DAB1: variants seen among roughly 807,000 people sequenced by gnomAD.
DAB1 encodes disabled homolog 1.
A neutral mutation model predicts 64.6 loss-of-function variants in DAB1; 15 were observed. That is an observed-to-expected ratio of 0.23 (90% CI 0.16 to 0.36). The LOEUF (loss-of-function observed/expected upper bound fraction) is 0.36, where lower values mean the gene tolerates loss of function less well. Among genes scored for constraint, DAB1 ranks in the 10% least tolerant of loss-of-function variants. DAB1 has a pLI of 1.00. For synonymous variants in DAB1, 235 were observed against 251.9 expected, an observed-to-expected ratio of 0.93 and a Z score of 0.64; for missense variants, 596 against 706.7, an observed-to-expected ratio of 0.84 and a Z score of 1.78.
chr1:57,609,168 A>G (rs989563076), intron 7 of DAB1, among the ~76,000 whole-genome samples: 1 of 152,096 alleles, frequency 6.6e-6, no homozygotes, highest in Admixed American at 6.5e-5. Context: ...GCTTTCCTGA[A>G]ATAATAAATA....
Position 57,520,692 on chromosome 1 carries a change from A to C in DAB1, n.625+128900T>G, listed in dbSNP as rs1270144152. On this transcript the variant is annotated intron_variant and non_coding_transcript_variant, in intron 7 of 20. Transcript: ENST00000485760. Reference sequence around the variant, plus strand: ...CTTTTTTTGTATATATTCAGGAAACAAAATCAAAGTAATTATAGCTTCTCT... The same window carrying C: ...CTTTTTTTGTATATATTCAGGAAACCAAATCAAAGTAATTATAGCTTCTCT... Among the ~76,000 whole-genome samples the C allele has an allele frequency of 2.0e-5, 3 of 152,178 alleles. No homozygotes were observed. The East Asian group carries it at 5.8e-4, about 29-fold the overall frequency.
chr1:58,246,155 T>C (rs1447553601), intron 4 of DAB1, among the ~76,000 whole-genome samples: 3 of 152,112 alleles, frequency 2.0e-5, no homozygotes, highest in African/African-American at 7.2e-5. Context: ...AGAAAATAAA[T>C]GTTTAGAAGG....
At chr1:57,027,827 C>G (rs538936822) in intron 9 of DAB1, among the ~76,000 whole-genome samples, 5 of 152,172 alleles carry the variant, frequency 3.3e-5, no homozygotes, top group Non-Finnish European at 2.9e-5. Flanking sequence ...GCCTGGCACA[C>G]AGTAGGGCCC....
chr1:57,829,835 G>C (rs915564461), intron 1 of DAB1, among the ~76,000 whole-genome samples: 2 of 152,112 alleles, frequency 1.3e-5, no homozygotes, highest in African/African-American at 4.8e-5. Flanking sequence ...TCCTTACATG[G>C]GTAAATACAG....
chr1:58,149,105 A>G (rs1457072220), intron 5 of DAB1, among the ~76,000 whole-genome samples: 2 of 152,060 alleles, frequency 1.3e-5, no homozygotes, highest in Admixed American at 6.5e-5. Context: ...CCATTCCACT[A>G]TCTCTTTTAT....
At chr1:57,194,251 T>A (rs911270815) in intron 2 of DAB1, among the ~76,000 whole-genome samples, 3 of 152,166 alleles carry the variant, frequency 2.0e-5, no homozygotes, top group African/African-American at 7.2e-5. Flanking sequence ...TGCACTTGTC[T>A]GCCAACAAAT....
At chr1:58,176,390 A>T (rs1557683102) in intron 4 of DAB1, among the ~76,000 whole-genome samples, 1 of 152,364 alleles carries the variant, frequency 6.6e-6, no homozygotes, top group East Asian at 1.9e-4. Context: ...AAACATTATT[A>T]AAAACTGGGG....
At chr1:58,135,326 G>T (rs935472479) in intron 5 of DAB1, among the ~76,000 whole-genome samples, 2 of 152,070 alleles carry the variant, frequency 1.3e-5, no homozygotes, top group Admixed American at 1.3e-4. Context: ...GGAAGAATGA[G>T]GTTATTATAG....
intron 3 of DAB1, chr1:58,481,189 T>C: frequency 1.3e-6 from 1 of 772,700 alleles, no homozygotes; most frequent in South Asian, 1.7e-5. Context: ...AAAGAAATAA[T>C]AAAATAAAAA....
intron 1 of DAB1, among the ~76,000 whole-genome samples, chr1:57,871,557 G>A (rs1569889682): frequency 6.6e-6 from 1 of 152,230 alleles, no homozygotes; most frequent in South Asian, 2.1e-4. Flanking sequence ...CTTGCTCAAG[G>A]TCACATAGAA....
chr1:57,801,693 T>C (rs1331862140), intron 6 of DAB1, among the ~76,000 whole-genome samples: 2 of 151,980 alleles, frequency 1.3e-5, no homozygotes, highest in African/African-American at 4.8e-5. Flanking sequence ...GATCTTACTG[T>C]GTTGCCCAGG....
intron 9 of DAB1, among the ~76,000 whole-genome samples, chr1:57,046,461 T>C (rs1288762833): frequency 2.0e-5 from 3 of 152,236 alleles, no homozygotes; most frequent in East Asian, 3.8e-4. Flanking sequence ...ATTATTCTTC[T>C]GCATCCACTA....
At position 57,557,737 on chromosome 1, in the gene DAB1, G is replaced by A. The variant is rs116832728; in HGVS notation, n.625+91855C>T. ...ATGCATTTGACACTCCTGATTCATCGTTGGTGAGGGGCAAGGAGTTTAGTG... is the reference window on the plus strand; with the variant it reads ...ATGCATTTGACACTCCTGATTCATCATTGGTGAGGGGCAAGGAGTTTAGTG... On this transcript the variant is annotated intron_variant and non_coding_transcript_variant, in intron 7 of 20. Coordinates refer to the DAB1 transcript ENST00000485760. Among the ~76,000 whole-genome samples, 577 of 152,220 alleles carry A rather than the reference G, an allele frequency of 3.8e-3. 6 individuals are homozygous for A. The highest frequency in any genetic ancestry group is 0.028 in the East Asian group (146 of 5,168).
intron 6 of DAB1, among the ~76,000 whole-genome samples, chr1:57,757,955 T>G (rs2101813194): frequency 6.6e-6 from 1 of 152,244 alleles, no homozygotes; most frequent in East Asian, 1.9e-4. Flanking sequence ...TAGCTAGGAC[T>G]CCAGGTACAT....
chr1:57,765,348 A>T (rs1649263384), intron 6 of DAB1, among the ~76,000 whole-genome samples: 1 of 152,182 alleles, frequency 6.6e-6, no homozygotes, highest in Non-Finnish European at 1.5e-5. Context: ...CTGGAGCAAG[A>T]TCTGTGACTC....
chr1:57,230,726 A>G (rs1368414508), intron 2 of DAB1, among the ~76,000 whole-genome samples: 2 of 152,182 alleles, frequency 1.3e-5, no homozygotes, highest in Non-Finnish European at 2.9e-5. Context: ...ACTGGAATAT[A>G]TATCACCTCA....
At chr1:58,500,763 G>C (rs1460296485) in intron 3 of DAB1, among the ~76,000 whole-genome samples, 1 of 152,112 alleles carries the variant, frequency 6.6e-6, no homozygotes, top group Non-Finnish European at 1.5e-5. Context: ...ACCCAACAAA[G>C]AGGGGATGGT....
chr1:58,485,573 T>G (rs758567565), intron 3 of DAB1, among the ~76,000 whole-genome samples: 3 of 152,174 alleles, frequency 2.0e-5, no homozygotes, highest in Admixed American at 6.5e-5. Flanking sequence ...CATAGTAAGA[T>G]TCTATTGGAT....
At chr1:57,389,061 C>G (rs3850550) in intron 1 of DAB1, among the ~76,000 whole-genome samples, 56,742 of 152,038 alleles carry the variant, frequency 0.37, 11,021 homozygotes, top group Non-Finnish European at 0.43. Flanking sequence ...TGCCTCAACT[C>G]CCCCCTTATT....
Sources: gnomAD v4.1 joint callset for allele counts (sites outside exome capture counted in the v4.1 genomes callset) on GRCh38, gnomAD v4.1.1 for gene constraint, MANE v1.5 for transcripts, NCBI Gene and HGNC (gene_info 2026-07-23, HGNC 2026-07-21) for gene names.